ARHGAP42: variants seen among roughly 807,000 people sequenced by gnomAD.
ARHGAP42 encodes rho GTPase-activating protein 42.
Under a neutral mutation model 125.0 loss-of-function variants are expected in ARHGAP42, and 63 were observed. That is an observed-to-expected ratio of 0.50 (90% confidence interval 0.41 to 0.62). ARHGAP42 has a LOEUF of 0.62. Ranked by LOEUF, ARHGAP42 falls within the 20% of genes least tolerant of loss-of-function variation. The probability of loss-of-function intolerance (pLI) is 0.00; values close to 1 mark genes in which losing one functional copy is unlikely to be tolerated. For synonymous variants in ARHGAP42, 339 were observed against 351.0 expected (o/e 0.97, Z 0.38); for missense variants, 766 against 1,024.2 (o/e 0.75, Z 3.44).
At position 100,921,537 on chromosome 11, in the gene ARHGAP42, C is replaced by T; in HGVS notation, c.530C>T (p.Ala177Val). Residue 177 changes from alanine to valine, a missense_variant, in exon 6 of 24, where the codon GCA (alanine) becomes GTA (valine). By Grantham distance (64) the Ala-to-Val change is moderately conservative. This residue lies in a region of ARHGAP42 where 455 missense variants were observed against 636.5 expected (regional missense o/e 0.71). Transcript: ENST00000298815. Reference protein sequence around the residue: ...IDREHQNFYEASLEYVFKIQE... With the variant: ...IDREHQNFYEVSLEYVFKIQE... ...CGAGAACATCAGAACTTCTATGAAGCATCATTAGAATATGTCTTTAAAATT... is the reference window on the plus strand; with the variant it reads ...CGAGAACATCAGAACTTCTATGAAGTATCATTAGAATATGTCTTTAAAATT... 1 of 1,546,270 alleles carries T rather than the reference C, an allele frequency of 6.5e-7. No homozygotes were observed. Among genetic ancestry groups the T allele is most frequent in the South Asian group, 1.2e-5 (1 of 82,972 alleles).
intron 3 of ARHGAP42, chr11:100,840,531 C>T (rs371725075): frequency 1.6e-4 from 25 of 152,144 alleles, no homozygotes; most frequent in East Asian, 9.7e-4. Context: ...ATTTCCTTTA[C>T]GTTTTTTGAC....
intron 22 of ARHGAP42, among the ~76,000 whole-genome samples, chr11:100,980,559 CTT>C (rs763302463): frequency 0.018 from 915 of 51,696 alleles, 16 homozygotes; most frequent in African/African-American, 0.045. Flanking sequence ...TTTTCTTCTT[CTT>C]TTTTTTTTTT....
At chr11:100,760,919 A>G (rs1862686786) in intron 1 of ARHGAP42, among the ~76,000 whole-genome samples, 1 of 152,140 alleles carries the variant, frequency 6.6e-6, no homozygotes, top group African/African-American at 2.4e-5. Context: ...AACTGAGGCT[A>G]ACATACTGAG....
At chr11:100,980,556 C>CTTTTTTTTT (rs1565305665) in intron 22 of ARHGAP42, among the ~76,000 whole-genome samples, 1 of 23,544 alleles carries the variant, frequency 4.2e-5, no homozygotes, top group Non-Finnish European at 7.4e-5. Context: ...TCTTTTTCTT[C>CTTTTTTTTT]TTCTTTTTTT....
intron 10 of ARHGAP42, among the ~76,000 whole-genome samples, chr11:100,946,981 T>C (rs540000): frequency 0.88 from 133,394 of 151,228 alleles, 58,924 homozygotes; most frequent in East Asian, 1. Context: ...GGGCAATGAC[T>C]GTATTCCTAG....
intron 1 of ARHGAP42, among the ~76,000 whole-genome samples, chr11:100,736,942 GAGCA>G (rs1862080755): frequency 6.6e-6 from 1 of 152,142 alleles, no homozygotes; most frequent in South Asian, 2.1e-4. Context: ...GCAACACTTT[GAGCA>G]AGCACTATGC....
intron 3 of ARHGAP42, among the ~76,000 whole-genome samples, chr11:100,795,612 G>A (rs1438921631): frequency 6.6e-6 from 1 of 152,156 alleles, no homozygotes; most frequent in Non-Finnish European, 1.5e-5. Context: ...GGAGAATTTT[G>A]CTAGGCTGGG....
intron 7 of ARHGAP42, among the ~76,000 whole-genome samples, chr11:100,935,729 C>G (rs534082978): frequency 1.9e-3 from 292 of 151,936 alleles, no homozygotes; most frequent in African/African-American, 6.7e-3. Flanking sequence ...GTCATTCAGA[C>G]AAGTTTTCAC....
chr11:100,806,837 G>GTTTATTTATTTATTTA (rs113368959), intron 3 of ARHGAP42, among the ~76,000 whole-genome samples: 85 of 149,450 alleles, frequency 5.7e-4, no homozygotes, highest in African/African-American at 2.1e-3. Context: ...TTGTTTGTTT[G>GTTTATTTATTTATTTA]TTTATTTATT....
intron 1 of ARHGAP42, among the ~76,000 whole-genome samples, chr11:100,734,446 A>C (rs1223563848): frequency 2.0e-5 from 3 of 151,104 alleles, no homozygotes; most frequent in Non-Finnish European, 2.9e-5. Flanking sequence ...TGCCCAGCTA[A>C]TTTTTCGTAT....
intron 1 of ARHGAP42, among the ~76,000 whole-genome samples, chr11:100,767,739 C>T (rs1179309329): frequency 6.6e-6 from 1 of 152,124 alleles, no homozygotes; most frequent in Non-Finnish European, 1.5e-5. Context: ...CTCAACTCTG[C>T]TGTAGGAATT....
chr11:100,852,627 A>T (rs1164082386), intron 3 of ARHGAP42, among the ~76,000 whole-genome samples: 1 of 152,156 alleles, frequency 6.6e-6, no homozygotes, highest in Non-Finnish European at 1.5e-5. Context: ...ATGTAAAAAG[A>T]AATATTTTTG....
chr11:100,760,451 C>T lies in ARHGAP42; in HGVS notation c.155-9892C>T, dbSNP rs531492901. ...CAGTGGCTTACACTTGTAATCCCAG[C>T]ACTTTGGGAGGCCAAGGTGGGAGGA... On this transcript the variant is annotated intron_variant, in intron 1 of 23. Transcript: ENST00000298815. Among the ~76,000 whole-genome samples the T allele has an allele frequency of 5.9e-5, 9 of 152,242 alleles. No individual in the cohort carries two copies. The East Asian group carries it at 1.7e-3, about 29-fold the overall frequency.
At chr11:100,846,524 C>G (rs1169648239) in intron 3 of ARHGAP42, among the ~76,000 whole-genome samples, 1 of 152,184 alleles carries the variant, frequency 6.6e-6, no homozygotes, top group Admixed American at 6.5e-5. Flanking sequence ...ACCCCCACTT[C>G]CAACCAATAA....
intron 9 of ARHGAP42, among the ~76,000 whole-genome samples, chr11:100,943,430 T>C (rs1867933813): frequency 6.6e-6 from 1 of 152,088 alleles, no homozygotes; most frequent in South Asian, 2.1e-4. Context: ...TAAGTGACTG[T>C]GTAACTTCAT....
chr11:100,714,866 C>T (rs1327840437), intron 1 of ARHGAP42, among the ~76,000 whole-genome samples: 1 of 151,598 alleles, frequency 6.6e-6, no homozygotes, highest in Non-Finnish European at 1.5e-5. Flanking sequence ...GGCAGCATGG[C>T]GAAACCCTCT....
At chr11:100,756,203 C>T (rs1862573556) in intron 1 of ARHGAP42, among the ~76,000 whole-genome samples, 1 of 110,642 alleles carries the variant, frequency 9.0e-6, no homozygotes, top group Non-Finnish European at 1.7e-5. Context: ...CTGGTCAATA[C>T]AGTGAGACCT....
chr11:100,902,432 A>G (rs1031964386), intron 4 of ARHGAP42, among the ~76,000 whole-genome samples: 1 of 152,208 alleles, frequency 6.6e-6, no homozygotes, highest in Non-Finnish European at 1.5e-5. Flanking sequence ...ACAAAATTAG[A>G]TCAAGAGAAT....
intron 1 of ARHGAP42, among the ~76,000 whole-genome samples, chr11:100,692,244 CTT>C (rs1355272882): frequency 6.6e-6 from 1 of 151,998 alleles, no homozygotes; most frequent in Non-Finnish European, 1.5e-5. Flanking sequence ...ATAATGGACT[CTT>C]GTATACATTT....
Sources: allele counts gnomAD v4.1 joint callset (sites outside exome capture counted in the v4.1 genomes callset), GRCh38; gene constraint gnomAD v4.1.1; regional missense constraint gnomAD v4.1.1; transcripts MANE v1.5; gene names NCBI Gene and HGNC (gene_info 2026-07-23, HGNC 2026-07-21).